The following QRICH1 variants were observed in gnomAD, a reference collection of about 807,000 sequenced individuals.
The protein encoded by QRICH1 is glutamine rich 1, also known as transcriptional regulator QRICH1.
In QRICH1, 16 loss-of-function variants were observed where a neutral mutation model predicts 87.1. That is an observed-to-expected ratio of 0.18 (90% confidence interval 0.12 to 0.28). QRICH1 has a LOEUF of 0.28. Ranked by LOEUF, QRICH1 falls within the 10% of genes least tolerant of loss-of-function variation. The pLI is 1.00. For missense variants in QRICH1, 647 were observed against 951.7 expected (o/e 0.68, Z 4.21); for synonymous variants, 367 against 368.4 (o/e 1.00, Z 0.05).
At chr3:49,071,421 G>A (rs962805065) in intron 2 of QRICH1, among the ~76,000 whole-genome samples, 1 of 152,120 alleles carries the variant, frequency 6.6e-6, no homozygotes, top group East Asian at 1.9e-4. Flanking sequence ...CTTTGTATTT[G>A]TAATCCAAAC....
chr3:49,032,997 G>A (rs1355912404), intron 7 of QRICH1, 123 bp downstream of exon 7: 9 of 946,950 alleles, frequency 9.5e-6, no homozygotes, highest in Non-Finnish European at 1.2e-5. Flanking sequence ...CAGCCAAGTG[G>A]GGTTAGGGCT....
intron 1 of QRICH1, among the ~76,000 whole-genome samples, chr3:49,089,032 T>A (rs1033842605): frequency 6.6e-6 from 1 of 152,070 alleles, no homozygotes; most frequent in Admixed American, 6.6e-5. Flanking sequence ...TTTAGGGGCA[T>A]TTTCATCACG....
chr3:49,075,202 T>A (rs1250369031), intron 2 of QRICH1, among the ~76,000 whole-genome samples: 1 of 151,106 alleles, frequency 6.6e-6, no homozygotes, highest in African/African-American at 2.4e-5. Flanking sequence ...TGGTGGTACA[T>A]GCCTGTGGTC....
intron 1 of QRICH1, among the ~76,000 whole-genome samples, chr3:49,081,333 C>T (rs1176468075): frequency 1.3e-5 from 2 of 151,686 alleles, no homozygotes; most frequent in Non-Finnish European, 2.9e-5. Flanking sequence ...AGGAGAATCA[C>T]TTGAACCCAG....
intron 2 of QRICH1, among the ~76,000 whole-genome samples, chr3:49,074,126 C>T (rs139096229): frequency 2.6e-5 from 4 of 152,074 alleles, no homozygotes; most frequent in Non-Finnish European, 4.4e-5. Flanking sequence ...GAAATCCATA[C>T]GTAATCTGAG....
At chr3:49,044,098 CTTAATTG>C (rs1371322591) in intron 6 of QRICH1, among the ~76,000 whole-genome samples, 4 of 152,132 alleles carry the variant, frequency 2.6e-5, no homozygotes, top group Non-Finnish European at 5.9e-5. Flanking sequence ...GTCCATAATC[CTTAATTG>C]TTATGATTCT....
intron 2 of QRICH1, among the ~76,000 whole-genome samples, chr3:49,069,447 C>T (rs2093488245): frequency 6.6e-6 from 1 of 151,444 alleles, no homozygotes; most frequent in South Asian, 2.1e-4. Flanking sequence ...TCCAATTACA[C>T]TTATAACTTG....
At chr3:49,068,634 C>CA (rs1377137566) in intron 2 of QRICH1, among the ~76,000 whole-genome samples, 7 of 143,170 alleles carry the variant, frequency 4.9e-5, no homozygotes, top group Admixed American at 2.8e-4. Flanking sequence ...AAATTTCTTT[C>CA]TTTTTTTTTT....
chr3:49,087,839 A>AAAAAAAAAAAAAG (rs1553749363), intron 1 of QRICH1, among the ~76,000 whole-genome samples: 3 of 149,324 alleles, frequency 2.0e-5, no homozygotes, highest in Admixed American at 1.3e-4. Flanking sequence ...AAAAAAAAAA[A>AAAAAAAAAAAAAG]GAACAATGTC....
chr3:49,083,570 T>G (rs1479012366), intron 1 of QRICH1: 1 of 151,846 alleles, frequency 6.6e-6, no homozygotes, highest in East Asian at 1.9e-4. Context: ...CAAACAAGCT[T>G]GAGGTAGGAA....
chr3:49,087,094 C>G (rs2042179474), intron 1 of QRICH1: 2 of 151,796 alleles, frequency 1.3e-5, no homozygotes, highest in South Asian at 4.2e-4. Context: ...CCATCTCTAC[C>G]AAAAACACAA....
At chr3:49,040,045 A>C (rs755625698) in intron 6 of QRICH1, among the ~76,000 whole-genome samples, 64 of 152,198 alleles carry the variant, frequency 4.2e-4, no homozygotes, top group East Asian at 3.8e-4. Context: ...TGGGCGATAG[A>C]GTGAGACTCC....
rs753945358 is a variant in QRICH1 at position 49,056,963 on chromosome 3, C to G, written c.1237G>C (p.Val413Leu). ...TGCTGTTGGGGGTCCCATATATGGA[C>G]AGTTTGAGCCGTATTCTGGTACGTG... is the stretch of plus-strand genomic sequence containing the variant. ...AGTYQNTAQT[V>L]HIWDPQQQPQ... Residue 413 changes from valine to leucine, a missense_variant, in exon 3 of 10, where the codon GTC becomes CTC. Coordinates refer to ENST00000395443, the MANE Select transcript of QRICH1 (RefSeq NM_198880.3). 48 of 1,614,010 alleles carry G rather than the reference C, an allele frequency of 3.0e-5. No individual in the cohort carries two copies. The highest frequency in any genetic ancestry group is 3.9e-5 in the Non-Finnish European group (46 of 1,180,044).
At chr3:49,045,229 C>T (rs139477930) in intron 5 of QRICH1, among the ~76,000 whole-genome samples, 1 of 151,122 alleles carries the variant, frequency 6.6e-6, no homozygotes, top group African/African-American at 2.4e-5. Context: ...GAGAAGAAAA[C>T]CTCTATGCTG....
chr3:49,065,573 C>G (rs2093463428), intron 2 of QRICH1, among the ~76,000 whole-genome samples: 1 of 152,106 alleles, frequency 6.6e-6, no homozygotes, highest in Admixed American at 6.6e-5. Context: ...AGTACATGGT[C>G]AGGAGAGAAT....
At chr3:49,058,194 G>A (rs574961987) in intron 2 of QRICH1, among the ~76,000 whole-genome samples, 1 of 152,200 alleles carries the variant, frequency 6.6e-6, no homozygotes, top group South Asian at 2.1e-4. Flanking sequence ...CTGTCGCCCA[G>A]GCTGGAATGC....
At chr3:49,090,458 CAAAAA>C (rs11425427) in intron 1 of QRICH1, among the ~76,000 whole-genome samples, 1 of 96,126 alleles carries the variant, frequency 1.0e-5, no homozygotes, top group African/African-American at 4.3e-5. Context: ...GACTACGTCT[CAAAAA>C]AAAAAAAAAA....
intron 6 of QRICH1, among the ~76,000 whole-genome samples, chr3:49,035,570 AG>A (rs1559924111): frequency 1.3e-5 from 2 of 151,716 alleles, no homozygotes; most frequent in Admixed American, 6.6e-5. Context: ...TGGGAAGCCA[AG>A]GTAGGAGGAC....
At chr3:49,047,015 ACTTTAGTAC>A (rs773111156) in intron 4 of QRICH1, 45 bp downstream of exon 4, 2 of 1,555,916 alleles carry the variant, frequency 1.3e-6, no homozygotes, top group Non-Finnish European at 8.7e-7. Context: ...TCCTCCTGTT[ACTTTAGTAC>A]CATTGCATTT....
Sources: gnomAD v4.1 joint callset for allele counts (sites outside exome capture counted in the v4.1 genomes callset) on GRCh38, gnomAD v4.1.1 for gene constraint, MANE v1.5 for transcripts, NCBI Gene and HGNC (gene_info 2026-07-23, HGNC 2026-07-21) for gene names.